The following ARHGAP26 variants were observed in gnomAD, a reference collection of about 807,000 sequenced individuals.
ARHGAP26 encodes the protein rho GTPase-activating protein 26.
A neutral mutation model predicts 104.8 loss-of-function variants in ARHGAP26; 38 were observed. The observed-to-expected ratio is 0.36, with a 90% CI of 0.28 to 0.48. The LOEUF is 0.48. ARHGAP26 is among the 20% of genes least tolerant of loss of function. The pLI is 0.99. For missense variants in ARHGAP26, 704 were observed against 947.9 expected (o/e 0.74, Z 3.38); for synonymous variants, 341 against 340.0 (o/e 1.00, Z -0.03).
intron 3 of ARHGAP26, among the ~76,000 whole-genome samples, chr5:142,876,800 AAAG>A (rs1756180155): frequency 6.7e-6 from 1 of 150,192 alleles, no homozygotes; most frequent in Non-Finnish European, 1.5e-5. Context: ...AAAAAAAAAA[AAAG>A]GATTTCTTTA....
At chr5:143,214,265 G>A (rs748810505) in intron 22 of ARHGAP26, among the ~76,000 whole-genome samples, 177 bp downstream of exon 22, 8 of 152,160 alleles carry the variant, frequency 5.3e-5, no homozygotes, top group Admixed American at 2.0e-4. Context: ...AAATAAAATA[G>A]CAGCAGCAGG....
chr5:143,071,277 C>T (rs1223625960), intron 17 of ARHGAP26, among the ~76,000 whole-genome samples: 1 of 152,198 alleles, frequency 6.6e-6, no homozygotes, highest in Non-Finnish European at 1.5e-5. Context: ...TAAAAGCAGG[C>T]CCATAGACCA....
intron 17 of ARHGAP26, among the ~76,000 whole-genome samples, chr5:143,081,722 T>G (rs1258732628): frequency 6.6e-6 from 1 of 152,170 alleles, no homozygotes; most frequent in Non-Finnish European, 1.5e-5. Flanking sequence ...GGCTTAAAAA[T>G]GGTAGCTTTT....
At chr5:142,849,495 G>A (rs529473063) in intron 1 of ARHGAP26, among the ~76,000 whole-genome samples, 15 of 152,312 alleles carry the variant, frequency 9.8e-5, no homozygotes, top group African/African-American at 3.6e-4. Flanking sequence ...TCCATTGACA[G>A]TGTGCTCTCC....
At chr5:143,049,593 A>G (rs533648493) in intron 14 of ARHGAP26, among the ~76,000 whole-genome samples, 2 of 152,232 alleles carry the variant, frequency 1.3e-5, no homozygotes, top group East Asian at 1.9e-4. Flanking sequence ...CAAATATTTT[A>G]TAGGATTTTT....
At chr5:143,118,264 C>T (rs781419917) in intron 17 of ARHGAP26, among the ~76,000 whole-genome samples, 7 of 152,192 alleles carry the variant, frequency 4.6e-5, no homozygotes, top group Non-Finnish European at 1.0e-4. Flanking sequence ...CCACATATCC[C>T]ATGCATTCTC....
chr5:143,093,953 A>G (rs1047806935), intron 17 of ARHGAP26, among the ~76,000 whole-genome samples: 4 of 152,188 alleles, frequency 2.6e-5, no homozygotes, highest in Middle Eastern at 3.4e-3. Flanking sequence ...AACGCACCCC[A>G]TGGGGATTTC....
In ARHGAP26 at chr5:143,186,698, A is replaced by G. The variant is rs371518640; in HGVS notation, c.1989-20500A>G. ...CAGGTAATTTGATACCTGTGGACCT[A>G]TTTGCCACTGGTAATACAACCTGAG... On this transcript the variant is annotated intron_variant, in intron 20 of 22. Transcript: ENST00000645722. 3.9e-5 allele frequency among the ~76,000 whole-genome samples: 6 copies of G among 152,312 alleles called. No homozygotes were observed. The East Asian group carries it at 1.2e-3, about 29-fold the overall frequency.
At chr5:143,133,557 GA>G (rs1328664802) in intron 18 of ARHGAP26, among the ~76,000 whole-genome samples, 1 of 152,166 alleles carries the variant, frequency 6.6e-6, no homozygotes, top group East Asian at 1.9e-4. Context: ...TAATTGTTAA[GA>G]ACTTAGAACC....
In ARHGAP26 at chr5:143,223,596, T is replaced by C; in HGVS notation, c.*1150T>C. The C allele has an allele frequency of 4.3e-6, 1 of 232,282 alleles. No individual in the cohort carries two copies. The highest frequency in any genetic ancestry group is 8.5e-6 in the Non-Finnish European group (1 of 117,168). The allele number at this position is 232,282 out of a possible 1,614,324, so 14.4% of individuals were successfully genotyped here. On this transcript the variant is annotated 3_prime_UTR_variant, in exon 23 of 23. Transcript: ENST00000645722. ...ACTGGCCAGCCCCCTTGCCCTACTC[T>C]GGGCTGCTGAACACTGGTGCTGTGG...
chr5:143,142,460 A>G (rs948239553), intron 19 of ARHGAP26, among the ~76,000 whole-genome samples: 6 of 152,062 alleles, frequency 3.9e-5, no homozygotes, highest in Middle Eastern at 3.4e-3. Flanking sequence ...CTCAATGTAT[A>G]GAGTCTATCA....
chr5:143,128,697 A>G (rs1243361204), intron 18 of ARHGAP26, among the ~76,000 whole-genome samples: 3 of 152,232 alleles, frequency 2.0e-5, no homozygotes. Context: ...GCTGTGCTCA[A>G]CTGTTGTAGG....
At chr5:143,165,799 A>C (rs1452758071) in intron 20 of ARHGAP26, among the ~76,000 whole-genome samples, 2 of 152,348 alleles carry the variant, frequency 1.3e-5, no homozygotes, top group Admixed American at 1.3e-4. Flanking sequence ...CCTGCTTATA[A>C]GTGAAAACAT....
At chr5:142,791,159 A>T (rs1283492967) in intron 1 of ARHGAP26, among the ~76,000 whole-genome samples, 1 of 150,666 alleles carries the variant, frequency 6.6e-6, no homozygotes, top group South Asian at 2.1e-4. Flanking sequence ...GCTTACTGCA[A>T]CCTCCACCTC....
rs1768912369 is a variant in ARHGAP26 at position 142,833,384 on chromosome 5, A to G, written c.155-40016A>G. 2.0e-5 allele frequency among the ~76,000 whole-genome samples: 3 copies of G among 152,126 alleles called. No individual in the cohort carries two copies. In the South Asian group the frequency reaches 6.2e-4, roughly 32 times the overall value. ...CCCTTTTATTCCTTTTTTAAAAAATATTTTTTAAAAAACATGTTCATGTAC... is the reference window on the plus strand; with the variant it reads ...CCCTTTTATTCCTTTTTTAAAAAATGTTTTTTAAAAAACATGTTCATGTAC... On this transcript the variant is annotated intron_variant, in intron 1 of 22. Transcript: ENST00000645722.
chr5:143,097,516 A>T (rs1247813326), intron 17 of ARHGAP26, among the ~76,000 whole-genome samples: 1 of 151,894 alleles, frequency 6.6e-6, no homozygotes, highest in Non-Finnish European at 1.5e-5. Flanking sequence ...AGCAGAGCTA[A>T]TGTGAAAATT....
At chr5:142,952,361 C>T (rs182344647) in intron 11 of ARHGAP26, among the ~76,000 whole-genome samples, 121 of 152,282 alleles carry the variant, frequency 7.9e-4, no homozygotes, top group Middle Eastern at 3.4e-3. Context: ...GGAGGTTTCT[C>T]TTCTGGGAGT....
Position 142,828,680 on chromosome 5 carries a change from G to A in ARHGAP26, c.155-44720G>A, listed in dbSNP as rs543371264. 2.6e-5 allele frequency among the ~76,000 whole-genome samples: 4 copies of A among 152,334 alleles called. No individual in the cohort carries two copies. In the South Asian group the frequency reaches 8.3e-4, roughly 32 times the overall value. On this transcript the variant is annotated intron_variant, in intron 1 of 22. Transcript: ENST00000645722. Reference sequence around the variant, plus strand: ...CAACCATGTGCAGGGTACTGGTGATGGACGGTTGCTGTGACTGGGGTAGTC... The same window carrying A: ...CAACCATGTGCAGGGTACTGGTGATAGACGGTTGCTGTGACTGGGGTAGTC...
In ARHGAP26 at chr5:142,821,640, T is replaced by G. The variant is rs548039158; in HGVS notation, c.154+50725T>G. On this transcript the variant is annotated intron_variant, in intron 1 of 22. Transcript: ENST00000645722. ...TGGGCCCCATCTGGTAGCTGCAGAA[T>G]TGGAACTGGCATTTTAACAAGATAC... Among the ~76,000 whole-genome samples, 14 of 152,298 alleles carry G rather than the reference T, an allele frequency of 9.2e-5. No homozygotes were observed. In the South Asian group the frequency reaches 2.9e-3, roughly 32 times the overall value.
Sources: gnomAD v4.1 joint callset for allele counts (sites outside exome capture counted in the v4.1 genomes callset) on GRCh38, gnomAD v4.1.1 for gene constraint, MANE v1.5 for transcripts, NCBI Gene and HGNC (gene_info 2026-07-23, HGNC 2026-07-21) for gene names.